Variants in EPHA2 observed in about 807,000 individuals in gnomAD.
EPHA2 encodes the protein EPH receptor A2, also known as ephrin type-A receptor 2.
Under a neutral mutation model 104.9 loss-of-function variants are expected in EPHA2, and 54 were observed. The observed-to-expected ratio is 0.51, with a 90% CI of 0.41 to 0.65. The LOEUF is 0.65. Ranked by LOEUF, EPHA2 falls within the 30% of genes least tolerant of loss-of-function variation. The pLI, the probability that EPHA2 is intolerant of heterozygous loss-of-function variation, is 0.00. For missense variants in EPHA2, 1,117 were observed against 1,369.5 expected (o/e 0.82, Z 2.91); for synonymous variants, 560 against 559.1 (o/e 1.00, Z -0.02).
At chr1:16,152,699 G>A (rs1209244782) in intron 1 of EPHA2, among the ~76,000 whole-genome samples, 4 of 152,216 alleles carry the variant, frequency 2.6e-5, no homozygotes, top group Non-Finnish European at 5.9e-5. Context: ...ATTGACAGGA[G>A]GCTGAGGTCT....
In EPHA2 at chr1:16,128,991, C is replaced by T. The variant is rs1489600338; in HGVS notation, c.2825+443G>A. On this transcript the variant is annotated intron_variant, in intron 16 of 16. Coordinates refer to ENST00000358432, the MANE Select transcript of EPHA2 (RefSeq NM_004431.5). The surrounding 1 kb of genome is among the most constrained non-coding windows in gnomAD (Gnocchi z 4.7). ...CTCCGATCCCTGCGCTCTGGGATCC[C>T]GACTGACTGGGCCTGGAATCCTGCT... Among the ~76,000 whole-genome samples the T allele has an allele frequency of 3.3e-5, 5 of 151,732 alleles. No homozygotes were observed. The highest frequency in any genetic ancestry group is 5.9e-5 in the Non-Finnish European group (4 of 67,940).
chr1:16,143,104 G>A (rs1238843173), intron 3 of EPHA2, among the ~76,000 whole-genome samples: 3 of 150,236 alleles, frequency 2.0e-5, no homozygotes, highest in Middle Eastern at 6.9e-3. Context: ...TAGATGAATG[G>A]ACAAGTGGAT....
Position 16,156,062 on chromosome 1 carries a change from T to A in EPHA2, c.-130A>T. On this transcript the variant is annotated 5_prime_UTR_variant, in exon 1 of 17. Transcript: ENST00000358432. ...CAACTTCTGCCCCTCCTGCCCCGAG[T>A]CCTTAATGGAAGTTGGGTGAGAACC... The A allele has an allele frequency of 1.5e-6, 1 of 686,282 alleles. No homozygotes were observed. 42.5% of individuals were successfully genotyped at this position (686,282 alleles called of 1,614,324 possible).
Position 16,135,793 on chromosome 1 carries a change from G to C in EPHA2, c.1313-23C>G, listed in dbSNP as rs201160714. 1.8e-4 allele frequency: 243 copies of C among 1,373,528 alleles called. 1 individual carries two copies. The highest frequency in any genetic ancestry group is 2.4e-4 in the Non-Finnish European group (236 of 964,798). The allele number at this position is 1,373,528 out of a possible 1,614,324, so 85.1% of individuals were successfully genotyped here. ...GCTCTGGGCAGGACAGGCAGTGGGG[G>C]AAGTGGGTAAGAAGCTGCCTACGAG... On this transcript the variant is annotated intron_variant, in intron 5 of 16. Coordinates refer to ENST00000358432, the MANE Select transcript of EPHA2 (RefSeq NM_004431.5). The surrounding 1 kb of genome is among the most constrained non-coding windows in gnomAD (Gnocchi z 4.3).
Position 16,131,822 on chromosome 1 carries a change from G to C in EPHA2, c.2374C>G (p.Arg792Gly). The C allele has an allele frequency of 6.2e-7, 1 of 1,614,062 alleles. No homozygotes were observed. Among genetic ancestry groups the C allele is most frequent in the Non-Finnish European group, 8.5e-7 (1 of 1,180,020 alleles). The change falls in exon 14 of 17, where the codon CGG becomes GGG. Residue 792 changes from arginine (R) to glycine (G), a missense_variant. This residue lies in a region of EPHA2 where 340 missense variants were observed against 480.5 expected (regional missense o/e 0.71). Coordinates refer to ENST00000358432, the MANE Select transcript of EPHA2 (RefSeq NM_004431.5). This position sits in a 1 kb window ranked among gnomAD's most constrained non-coding sequence, Gnocchi z 5.2. ...ACGTCGCTGGCAGAGGTGAACTTCC[G>C]GTAGGAAATGGCCTCCGGGGCGGTC... ...RWTAPEAISY[R>G]KFTSASDVWS...
intron 3 of EPHA2, among the ~76,000 whole-genome samples, chr1:16,142,684 G>A (rs111203792): frequency 0.022 from 3,144 of 145,216 alleles, 185 homozygotes; most frequent in African/African-American, 0.081. Flanking sequence ...GATGAGGGAT[G>A]GATGGGTGGG....
Position 16,154,756 on chromosome 1 carries a change from CAAAAAAAAAAAA to C in EPHA2, c.85+1080_85+1091del, listed in dbSNP as rs558609049. ...GGGCAACAAGTGCGAAACTCCGTCT[CAAAAAAAAAAAA>C]AAAAAAAAAAAAGAAGGAAACTTCT... On this transcript the variant is annotated intron_variant, in intron 1 of 16. Transcript: ENST00000358432. 3.8e-3 allele frequency among the ~76,000 whole-genome samples: 254 copies of C among 66,910 alleles called. 1 individual carries two copies. Among genetic ancestry groups the C allele is most frequent in the African/African-American group, 0.013 (231 of 18,178 alleles). The allele number at this position is 66,910 out of a possible 152,430, so 43.9% of individuals were successfully genotyped here.
chr1:16,143,067 G>A (rs2024856374), intron 3 of EPHA2, among the ~76,000 whole-genome samples: 1 of 148,432 alleles, frequency 6.7e-6, no homozygotes, highest in Admixed American at 6.7e-5. Flanking sequence ...ATGGGTGGAG[G>A]GGGGTATGAG....
At chr1:16,143,363 A>T (rs2024864764) in intron 3 of EPHA2, among the ~76,000 whole-genome samples, 1 of 152,096 alleles carries the variant, frequency 6.6e-6, no homozygotes, top group African/African-American at 2.4e-5. Context: ...TTCAGCGCCC[A>T]GAGAGACACT....
chr1:16,145,408 C>T (rs996539766), intron 3 of EPHA2, among the ~76,000 whole-genome samples: 1 of 152,236 alleles, frequency 6.6e-6, no homozygotes, highest in Non-Finnish European at 1.5e-5. Flanking sequence ...CCACTTAACT[C>T]TTTCCTGAGC....
In EPHA2 at chr1:16,130,410, C is replaced by T. The variant is rs2024551297; in HGVS notation, c.2485G>A (p.Ala829Thr). 6.5e-7 allele frequency: 1 copy of T among 1,545,786 alleles called. No homozygotes were observed. Among genetic ancestry groups the T allele is most frequent in the Admixed American group, 1.9e-5 (1 of 52,050 alleles). Residue 829 changes from alanine (A) to threonine (T), a missense_variant, in exon 15 of 17, where the codon GCC becomes ACC. Physicochemically the swap from Ala to Thr is moderately conservative, Grantham distance 58 (BLOSUM62 0). Transcript: ENST00000358432. This position sits in a 1 kb window ranked among gnomAD's most constrained non-coding sequence, Gnocchi z 4.5. ...GGGAGCCGGAAGCCATCATTGATGG[C>T]TTTCATCACCTGGCGGGGCACGAAG... is the stretch of plus-strand genomic sequence containing the variant. ...WELSNHEVMKAINDGFRLPTP... is the reference protein window; with the variant it reads ...WELSNHEVMKTINDGFRLPTP...
At position 16,148,875 on chromosome 1, in the gene EPHA2, G is replaced by A. The variant is rs1200699823; in HGVS notation, c.326C>T (p.Pro109Leu). 1.2e-6 allele frequency: 2 copies of A among 1,614,176 alleles called. No individual in the cohort carries two copies. Among genetic ancestry groups the A allele is most frequent in the Non-Finnish European group, 8.5e-7 (1 of 1,180,052 alleles). Reference protein sequence around the residue: ...KFTVRDCNSFPGGASSCKETF... With the variant: ...KFTVRDCNSFLGGASSCKETF... ...CTCCTTGCAGGAGCTGGCGCCACCA[G>A]GGAAGCTGTTGCAGTCACGTACAGT... The change falls in exon 3 of 17, where the codon CCT becomes CTT. Residue 109 changes from proline to leucine, a missense_variant. Coordinates refer to ENST00000358432, the MANE Select transcript of EPHA2 (RefSeq NM_004431.5). The surrounding 1 kb of genome is among the most constrained non-coding windows in gnomAD (Gnocchi z 4.9).
rs994588645 is a variant in EPHA2, at chr1:16,128,316, G to A, written c.2825+1118C>T. Among the ~76,000 whole-genome samples the A allele has an allele frequency of 6.5e-4, 99 of 152,290 alleles. No individual in the cohort carries two copies. Among genetic ancestry groups the A allele is most frequent in the African/African-American group, 2.3e-3 (97 of 41,556 alleles). ...CCTGTGATCCATCTCCCCTCCCTAC[G>A]TGTCCCCGCCTCCCCTCTGGTCGGC... On this transcript the variant is annotated intron_variant, in intron 16 of 16. Coordinates refer to ENST00000358432, the MANE Select transcript of EPHA2 (RefSeq NM_004431.5). This position sits in a 1 kb window ranked among gnomAD's most constrained non-coding sequence, Gnocchi z 4.7.
Position 16,133,249 on chromosome 1 carries a change from C to G in EPHA2, c.1984G>C (p.Gly662Arg). Reference sequence around the variant, plus strand: ...AACTGGCCCATGATGCCGGCCTCGCCGAGGAAGTCCACTCGCTGCTTCTCT... The same window carrying G: ...AACTGGCCCATGATGCCGGCCTCGCGGAGGAAGTCCACTCGCTGCTTCTCT... ...YTEKQRVDFL[G>R]EAGIMGQFSH... Residue 662 changes from glycine (G) to arginine (R), a missense_variant, in exon 11 of 17, where the codon GGC becomes CGC. By Grantham distance (125) the Gly-to-Arg change is moderately radical. Transcript: ENST00000358432. The G allele has an allele frequency of 1.9e-6, 3 of 1,613,832 alleles. No homozygotes were observed. Among genetic ancestry groups the G allele is most frequent in the Non-Finnish European group, 2.5e-6 (3 of 1,179,918 alleles).
At chr1:16,136,303 A>AATAAT (rs2024681848) in intron 5 of EPHA2, among the ~76,000 whole-genome samples, 66 of 140,984 alleles carry the variant, frequency 4.7e-4, no homozygotes, top group African/African-American at 1.5e-3. Context: ...ACGAGTGCAT[A>AATAAT]AATAATAATA....
In EPHA2 at chr1:16,150,876, C is replaced by T. The variant is rs377594064; in HGVS notation, c.153+20G>A. On this transcript the variant is annotated intron_variant, in intron 2 of 16. Coordinates refer to ENST00000358432, the MANE Select transcript of EPHA2 (RefSeq NM_004431.5). This position sits in a 1 kb window ranked among gnomAD's most constrained non-coding sequence, Gnocchi z 4.8. Reference sequence around the variant, plus strand: ...GCAGCCCCATTCTCACACCTCTCCCCACCCCGAAGGCTTACATACCCCTTT... The same window carrying T: ...GCAGCCCCATTCTCACACCTCTCCCTACCCCGAAGGCTTACATACCCCTTT... 4.0e-5 allele frequency: 65 copies of T among 1,614,044 alleles called. No individual in the cohort carries two copies. In the African/African-American group the frequency reaches 7.1e-4, roughly 18 times the overall value.
Position 16,134,276 on chromosome 1 carries a change from C to A in EPHA2, c.1682+192G>T, listed in dbSNP as rs761283257. Reference sequence around the variant, plus strand: ...CAACAAGAGCAGAGGTAATGACCCCCGTGTCCCGGCCCCGCCGCGTGCCAG... The same window carrying A: ...CAACAAGAGCAGAGGTAATGACCCCAGTGTCCCGGCCCCGCCGCGTGCCAG... On this transcript the variant is annotated intron_variant, in intron 8 of 16. Transcript: ENST00000358432. The surrounding 1 kb of genome is among the most constrained non-coding windows in gnomAD (Gnocchi z 4.5). Among the ~76,000 whole-genome samples the A allele has an allele frequency of 5.3e-5, 8 of 152,098 alleles. No homozygotes were observed. The highest frequency in any genetic ancestry group is 1.2e-4 in the Non-Finnish European group (8 of 68,022).
Position 16,148,067 on chromosome 1 carries a change from C to T in EPHA2, c.823+311G>A, listed in dbSNP as rs538598124. ...ATTTTTGTGTTTTTGGTAGAGACGG[C>T]GTTTCATTATGTTGCCCAGGCTGGT... On this transcript the variant is annotated intron_variant, in intron 3 of 16. Coordinates refer to ENST00000358432, the MANE Select transcript of EPHA2 (RefSeq NM_004431.5). The surrounding 1 kb of genome is among the most constrained non-coding windows in gnomAD (Gnocchi z 4.9). Among the ~76,000 whole-genome samples the T allele has an allele frequency of 3.9e-5, 6 of 151,956 alleles. No individual in the cohort carries two copies. The South Asian group carries it at 1.0e-3, about 26-fold the overall frequency.
intron 3 of EPHA2, among the ~76,000 whole-genome samples, chr1:16,142,340 G>C (rs553893953): frequency 6.6e-6 from 1 of 152,352 alleles, no homozygotes; most frequent in African/African-American, 2.4e-5. Flanking sequence ...TCAAAACTTG[G>C]CTTTTATGCT....
Sources: allele counts gnomAD v4.1 joint callset (sites outside exome capture counted in the v4.1 genomes callset), GRCh38; gene constraint gnomAD v4.1.1; regional missense constraint gnomAD v4.1.1; non-coding constraint Gnocchi (gnomAD v3.1); transcripts MANE v1.5; gene names NCBI Gene and HGNC (gene_info 2026-07-23, HGNC 2026-07-21).